Variants in EDC3 observed in about 807,000 individuals in gnomAD.
The protein encoded by EDC3 is enhancer of mRNA decapping 3.
Under a neutral mutation model 41.8 loss-of-function variants are expected in EDC3, and 20 were observed. The observed-to-expected ratio is 0.48, with a 90% CI of 0.34 to 0.70. The LOEUF (loss-of-function observed/expected upper bound fraction) is 0.70, where lower values mean the gene tolerates loss of function less well. EDC3 is among the 30% of genes least tolerant of loss of function. The probability of loss-of-function intolerance (pLI) is 0.01; values close to 1 mark genes in which losing one functional copy is unlikely to be tolerated. For missense variants in EDC3, 444 were observed against 636.8 expected (o/e 0.70, Z 3.26); for synonymous variants, 206 against 243.2 (o/e 0.85, Z 1.42).
chr15:74,684,089 T>G (rs1317942402), intron 1 of EDC3, among the ~76,000 whole-genome samples: 6 of 148,310 alleles, frequency 4.0e-5, no homozygotes, highest in Non-Finnish European at 7.5e-5. Flanking sequence ...TTTCTGTTTT[T>G]TTTTTTTTTT....
At chr15:74,659,074 A>G (rs1438235548) in intron 3 of EDC3, among the ~76,000 whole-genome samples, 1 of 152,230 alleles carries the variant, frequency 6.6e-6, no homozygotes, top group Non-Finnish European at 1.5e-5. Context: ...TTCTAGTTCC[A>G]ATAATTTGAT....
chr15:74,671,480 T>TC lies in EDC3; in HGVS notation c.458_459insG (p.Ser154LysfsTer12). 6.2e-7 allele frequency: 1 copy of TC among 1,611,882 alleles called. No individual in the cohort carries two copies. The highest frequency in any genetic ancestry group is 1.1e-5 in the South Asian group (1 of 90,856). On this transcript the variant is annotated frameshift_variant, in exon 3 of 7. Transcript: ENST00000315127. LOFTEE classifies it high-confidence loss of function. This position sits in a 1 kb window ranked among gnomAD's most constrained non-coding sequence, Gnocchi z 4.6. ...AGGAGTTGTGCCGACGACGGAAACT[T>TC]TTGGACTGACTCAAGGATTCCATGT...
At chr15:74,659,487 A>AATATATATATATATATATATATATATAT (rs10601683) in intron 3 of EDC3, among the ~76,000 whole-genome samples, 2 of 142,194 alleles carry the variant, frequency 1.4e-5, no homozygotes, top group African/African-American at 5.3e-5. Context: ...AAAAAATAGA[A>AATATATATATATATATATATATATATAT]ATATATATAT....
chr15:74,635,317 C>T, intron 6 of EDC3, 92 bp downstream of exon 6: 1 of 1,249,424 alleles, frequency 8.0e-7, no homozygotes, highest in South Asian at 1.2e-5. Context: ...CACGTAGTGC[C>T]TTTCCACCTG....
chr15:74,693,792 C>T (rs530502693), intron 1 of EDC3, among the ~76,000 whole-genome samples: 5 of 151,968 alleles, frequency 3.3e-5, no homozygotes, highest in South Asian at 2.1e-4. Flanking sequence ...GAGACCAGCC[C>T]GGCCAACATG....
chr15:74,668,362 G>C (rs2062700232), intron 3 of EDC3, among the ~76,000 whole-genome samples: 1 of 152,096 alleles, frequency 6.6e-6, no homozygotes, highest in South Asian at 2.1e-4. Context: ...ATTATAACAA[G>C]TATACCATAC....
chr15:74,640,960 T>G lies in EDC3; in HGVS notation c.821-341A>C, dbSNP rs1014134785. On this transcript the variant is annotated intron_variant, in intron 4 of 6. Transcript: ENST00000315127. ...CTGTAACAGCAACCTATCAGGCACATGAGAAGAGAACATGATTTTCCCAAA... is the reference window on the plus strand; with the variant it reads ...CTGTAACAGCAACCTATCAGGCACAGGAGAAGAGAACATGATTTTCCCAAA... 5.5e-4 allele frequency: 154 copies of G among 278,060 alleles called. 2 individuals carry two copies. Among genetic ancestry groups the G allele is most frequent in the Non-Finnish European group, 9.0e-5 (13 of 145,060 alleles). 17.2% of individuals were successfully genotyped at this position (278,060 alleles called of 1,614,324 possible). A position where few individuals can be genotyped will look rare whatever the true frequency, so the allele number is the denominator to read the frequency against.
intron 1 of EDC3, among the ~76,000 whole-genome samples, chr15:74,684,796 C>T (rs1397188322): frequency 2.0e-5 from 3 of 152,076 alleles, no homozygotes; most frequent in Non-Finnish European, 4.4e-5. Flanking sequence ...GAAAAAACAA[C>T]AACAGCAGCA....
At position 74,655,967 on chromosome 15, in the gene EDC3, T is replaced by C. The variant is rs749664984; in HGVS notation, c.586A>G (p.Ile196Val). The change falls in exon 4 of 7, where the codon ATT (isoleucine) becomes GTT (valine). Residue 196 changes from isoleucine to valine, a missense_variant. Coordinates refer to ENST00000315127, the MANE Select transcript of EDC3 (RefSeq NM_025083.5). ...NKDDECFGDD[I>V]EEIPDTDFDF... The stretch of plus-strand genomic sequence containing the variant: ...AAATCTGTGTCTGGGATCTCCTCAA[T>C]ATCATCCCCGAAGCACTCGTCATCT... The C allele has an allele frequency of 1.2e-6, 2 of 1,613,912 alleles. No homozygotes were observed. Among genetic ancestry groups the C allele is most frequent in the Non-Finnish European group, 1.7e-6 (2 of 1,180,022 alleles).
At chr15:74,693,741 T>C (rs761770876) in intron 1 of EDC3, among the ~76,000 whole-genome samples, 31 of 152,134 alleles carry the variant, frequency 2.0e-4, no homozygotes, top group Admixed American at 1.2e-3. Flanking sequence ...CCCAGCACTT[T>C]GGGAGGCTGA....
rs1415732443 is a variant in EDC3 at position 74,655,819 on chromosome 15, C to T, written c.734G>A (p.Arg245His). 3 of 1,614,124 alleles carry T rather than the reference C, an allele frequency of 1.9e-6. No individual in the cohort carries two copies. The highest frequency in any genetic ancestry group is 1.7e-5 in the Admixed American group (1 of 60,002). The change falls in exon 4 of 7, where the codon CGC becomes CAC. Residue 245 changes from arginine to histidine, a missense_variant. By Grantham distance (29) the Arg-to-His change is conservative. Transcript: ENST00000315127. ...GGACTCCAAGATGTTCTCATCATGG[C>T]GGTACCGAGTGGGCCTTTCATTTGG... ...GIPNERPTRY[R>H]HDENILESEP...
At chr15:74,675,224 T>A in intron 1 of EDC3, 82 bp from the exon 2 acceptor site, 1 of 1,291,324 alleles carries the variant, frequency 7.7e-7, no homozygotes, top group South Asian at 1.4e-5. Flanking sequence ...TCAGGCTCTG[T>A]ACCAAGTGTT....
intron 1 of EDC3, among the ~76,000 whole-genome samples, chr15:74,676,032 G>C (rs2062803798): frequency 6.6e-6 from 1 of 152,004 alleles, no homozygotes; most frequent in Non-Finnish European, 1.5e-5. Context: ...AATTTAAAAA[G>C]ACTGAGATCA....
At chr15:74,680,483 G>T (rs1286862075) in intron 1 of EDC3, among the ~76,000 whole-genome samples, 1 of 151,946 alleles carries the variant, frequency 6.6e-6, no homozygotes, top group African/African-American at 2.4e-5. Context: ...AGAAAAATGG[G>T]AATAGAGAGG....
At chr15:74,633,657 A>G (rs1261908114) in intron 6 of EDC3, among the ~76,000 whole-genome samples, 1 of 152,236 alleles carries the variant, frequency 6.6e-6, no homozygotes, top group Non-Finnish European at 1.5e-5. Context: ...CTAAGAAGTT[A>G]AACTGAGAAT....
At chr15:74,692,188 A>G (rs2063015912) in intron 1 of EDC3, among the ~76,000 whole-genome samples, 2 of 152,222 alleles carry the variant, frequency 1.3e-5, no homozygotes, top group South Asian at 4.1e-4. Context: ...CATGTGGCCC[A>G]TAAAGCCTTT....
rs1409779349 is a variant in EDC3, at chr15:74,677,116, G to A, written c.-18-1974C>T. Reference sequence around the variant, plus strand: ...CTTACTCTGCCGCCCAGGCTGGAGTGCGGTGGCACAATCTCAGCTCACTGC... The same window carrying A: ...CTTACTCTGCCGCCCAGGCTGGAGTACGGTGGCACAATCTCAGCTCACTGC... On this transcript the variant is annotated intron_variant, in intron 1 of 6. Transcript: ENST00000315127. 5 of 151,928 alleles carry A rather than the reference G, an allele frequency of 3.3e-5. No homozygotes were observed. In the East Asian group the frequency reaches 9.6e-4, roughly 29 times the overall value. The allele number at this position is 151,928 out of a possible 1,614,324, so 9.4% of individuals were successfully genotyped here. A position where few individuals can be genotyped will look rare whatever the true frequency, so the allele number is the denominator to read the frequency against.
intron 5 of EDC3, chr15:74,638,316 A>C (rs2062300709): frequency 6.7e-6 from 1 of 149,856 alleles, no homozygotes; most frequent in African/African-American, 2.5e-5. Flanking sequence ...CCCTTTTCTG[A>C]ACTTCAGATC....
In EDC3 at chr15:74,659,217, C is replaced by A. The variant is rs2062591539; in HGVS notation, c.485-3149G>T. Among the ~76,000 whole-genome samples the A allele has an allele frequency of 2.0e-5, 3 of 152,176 alleles. No individual in the cohort carries two copies. In the South Asian group the frequency reaches 6.2e-4, roughly 32 times the overall value. Reference sequence around the variant, plus strand: ...GTGGCTCAGGCCTGTAATCCCAGCACTTTGGGAGGCCGAGGTGGGTGTATC... The same window carrying A: ...GTGGCTCAGGCCTGTAATCCCAGCAATTTGGGAGGCCGAGGTGGGTGTATC... On this transcript the variant is annotated intron_variant, in intron 3 of 6. Coordinates refer to ENST00000315127, the MANE Select transcript of EDC3 (RefSeq NM_025083.5).
Sources: allele counts gnomAD v4.1 joint callset (sites outside exome capture counted in the v4.1 genomes callset), GRCh38; gene constraint gnomAD v4.1.1; non-coding constraint Gnocchi (gnomAD v3.1); transcripts MANE v1.5; gene names NCBI Gene and HGNC (gene_info 2026-07-23, HGNC 2026-07-21).